The following ASXL3 variants were observed in gnomAD, a reference collection of about 807,000 sequenced individuals.
ASXL3 encodes the protein putative Polycomb group protein ASXL3.
ASXL3 carries 34 observed loss-of-function variants against 170.6 expected under a neutral mutation model. The observed-to-expected ratio is 0.20, with a 90% CI of 0.15 to 0.27. The LOEUF is 0.27. ASXL3 is among the 10% of genes least tolerant of loss of function. ASXL3 has a pLI of 1.00. For missense variants in ASXL3, 2,592 were observed against 2,695.3 expected, an observed-to-expected ratio of 0.96 and a Z score of 0.85; for synonymous variants, 1,002 against 989.1, an observed-to-expected ratio of 1.01 and a Z score of -0.24.
intron 2 of ASXL3, chr18:33,614,573 C>G (rs1217419367): frequency 2.6e-5 from 4 of 152,154 alleles, no homozygotes; most frequent in Non-Finnish European, 5.9e-5. Context: ...GTGAACTCTT[C>G]TCTGAAGATT....
At chr18:33,591,474 C>A (rs1054192090) in intron 1 of ASXL3, among the ~76,000 whole-genome samples, 6 of 152,178 alleles carry the variant, frequency 3.9e-5, no homozygotes, top group Admixed American at 3.3e-4. Context: ...CTCCTATTCT[C>A]ATCCTTTCTC....
chr18:33,665,429 G>A (rs768133982), intron 5 of ASXL3, among the ~76,000 whole-genome samples: 42 of 152,282 alleles, frequency 2.8e-4, no homozygotes, highest in Non-Finnish European at 5.1e-4. Flanking sequence ...TCACACTAGC[G>A]GCAATGCAAG....
intron 8 of ASXL3, among the ~76,000 whole-genome samples, chr18:33,723,674 G>A (rs1008858557): frequency 2.6e-4 from 39 of 152,124 alleles, no homozygotes; most frequent in Middle Eastern, 3.2e-3. Context: ...ATAAAGCAGC[G>A]GCAGAGTTTA....
At chr18:33,639,742 C>A (rs1599430698) in intron 2 of ASXL3, among the ~76,000 whole-genome samples, 2 of 152,150 alleles carry the variant, frequency 1.3e-5, no homozygotes, top group African/African-American at 4.8e-5. Context: ...CTAATGATAT[C>A]TTGGTAGTTT....
At chr18:33,654,743 T>A (rs1468412990) in intron 4 of ASXL3, among the ~76,000 whole-genome samples, 1 of 152,028 alleles carries the variant, frequency 6.6e-6, no homozygotes, top group Non-Finnish European at 1.5e-5. Flanking sequence ...GCATATAGTA[T>A]TATTACTCTC....
intron 10 of ASXL3, among the ~76,000 whole-genome samples, chr18:33,736,122 G>T (rs567205868): frequency 1.3e-5 from 2 of 152,234 alleles, no homozygotes; most frequent in East Asian, 3.9e-4. Context: ...TAACCGTGAG[G>T]TTATTAAATA....
intron 8 of ASXL3, among the ~76,000 whole-genome samples, chr18:33,688,902 A>G (rs541702026): frequency 2.8e-4 from 43 of 152,356 alleles, no homozygotes; most frequent in Middle Eastern, 3.4e-3. Context: ...AAACTTTTAG[A>G]AAATGTGAAG....
At chr18:33,705,211 GATAAC>G (rs1005851693) in intron 8 of ASXL3, among the ~76,000 whole-genome samples, 23 of 151,542 alleles carry the variant, frequency 1.5e-4, no homozygotes, top group African/African-American at 5.3e-4. Flanking sequence ...TAATACAGAA[GATAAC>G]ATAAGATAAC....
intron 6 of ASXL3, among the ~76,000 whole-genome samples, chr18:33,671,257 G>T (rs7232171): frequency 0.7 from 106,447 of 152,012 alleles, 39,099 homozygotes; most frequent in East Asian, 0.98. Context: ...CCCTGACCTT[G>T]TCTTCTAATT....
intron 8 of ASXL3, among the ~76,000 whole-genome samples, chr18:33,717,306 T>G (rs771552454): frequency 6.6e-6 from 1 of 152,158 alleles, no homozygotes; most frequent in Non-Finnish European, 1.5e-5. Context: ...TTCTTAAATA[T>G]CATGATATCT....
rs536513363 is a variant in ASXL3, at chr18:33,658,610, G to A, written c.356-3006G>A. On this transcript the variant is annotated intron_variant, in intron 4 of 11. Coordinates refer to ENST00000269197, the MANE Select transcript of ASXL3 (RefSeq NM_030632.3). ...TTAAAAATAAGTTATTTAACCCAAA[G>A]GAACAATCACATACTTTTTTTCTGT... Among the ~76,000 whole-genome samples the A allele has an allele frequency of 2.6e-3, 402 of 152,078 alleles. 4 individuals are homozygous for A. Among genetic ancestry groups the A allele is most frequent in the Admixed American group, 4.1e-3 (62 of 15,264 alleles).
intron 4 of ASXL3, among the ~76,000 whole-genome samples, chr18:33,654,504 A>G (rs1389310241): frequency 6.6e-6 from 1 of 152,092 alleles, no homozygotes; most frequent in Admixed American, 6.6e-5. Flanking sequence ...AGTTTATATG[A>G]TAAAGTATGA....
At chr18:33,669,193 G>A (rs2066303961) in intron 5 of ASXL3, among the ~76,000 whole-genome samples, 1 of 152,050 alleles carries the variant, frequency 6.6e-6, no homozygotes. Context: ...CAAAATTTAT[G>A]TGCAATTATG....
Position 33,745,942 on chromosome 18 carries a change from C to T in ASXL3, c.6094C>T (p.Pro2032Ser), listed in dbSNP as rs758569568. Residue 2032 changes from proline to serine, a missense_variant, in exon 12 of 12, where the codon CCC becomes TCC. Physicochemically the swap from Pro to Ser is moderately conservative, Grantham distance 74 (BLOSUM62 -1). Around this residue, in one of 4 missense-constraint regions of ASXL3, gnomAD observed 2,246 missense variants for 2,219.6 expected, o/e 1.01. Transcript: ENST00000269197. ...CCCTCCCCCTCCACCCTTGGCTTTGCCCCCGCCTCCCCCCCCACCACCTCC... is the reference window on the plus strand; with the variant it reads ...CCCTCCCCCTCCACCCTTGGCTTTGTCCCCGCCTCCCCCCCCACCACCTCC... Reference protein sequence around the residue: ...PPPPPPPLALPPPPPPPPPLP... With the variant: ...PPPPPPPLALSPPPPPPPPLP... 1.8e-5 allele frequency: 9 copies of T among 510,970 alleles called. No individual in the cohort carries two copies. The African/African-American group carries it at 2.1e-4, about 12-fold the overall frequency. 31.7% of individuals were successfully genotyped at this position (510,970 alleles called of 1,614,324 possible). A position where few individuals can be genotyped will look rare whatever the true frequency, so the allele number is the denominator to read the frequency against.
chr18:33,745,450 C>T lies in ASXL3; in HGVS notation c.5602C>T (p.Leu1868=), dbSNP rs757957501. 28 of 1,614,040 alleles carry T rather than the reference C, an allele frequency of 1.7e-5. No homozygotes were observed. The highest frequency in any genetic ancestry group is 2.1e-5 in the Non-Finnish European group (25 of 1,179,902). ...PCVISSGISQ[L]GHSQPFKQEW... The stretch of plus-strand genomic sequence containing the variant: ...TGTCATCAGTTCCGGCATCAGTCAG[C>T]TAGGACACAGCCAGCCATTTAAGCA... The change falls in exon 12 of 12, where the codon CTA becomes TTA. Residue 1868 remains leucine (L), a synonymous_variant. Coordinates refer to ENST00000269197, the MANE Select transcript of ASXL3 (RefSeq NM_030632.3).
intron 2 of ASXL3, among the ~76,000 whole-genome samples, chr18:33,634,653 T>G (rs942685211): frequency 6.6e-6 from 1 of 152,200 alleles, no homozygotes; most frequent in African/African-American, 2.4e-5. Context: ...GCCAAATGCC[T>G]TTCCAAATTG....
chr18:33,641,442 G>C (rs982537588), intron 2 of ASXL3, among the ~76,000 whole-genome samples: 12 of 152,164 alleles, frequency 7.9e-5, no homozygotes, highest in Middle Eastern at 3.4e-3. Flanking sequence ...ACCCTGGCAG[G>C]TGTATAGGAA....
chr18:33,614,063 C>T (rs954857173), intron 2 of ASXL3, among the ~76,000 whole-genome samples: 1 of 152,096 alleles, frequency 6.6e-6, no homozygotes, highest in African/African-American at 2.4e-5. Flanking sequence ...GTGGCAATTG[C>T]TTAAAGTAAG....
Position 33,749,157 on chromosome 18 carries a change from G to C in ASXL3, c.*2562G>C, listed in dbSNP as rs922100761. On this transcript the variant is annotated 3_prime_UTR_variant, in exon 12 of 12. Coordinates refer to ENST00000269197, the MANE Select transcript of ASXL3 (RefSeq NM_030632.3). The stretch of plus-strand genomic sequence containing the variant: ...ATTACTGAAAAATTAATATCTTTAA[G>C]CTAAAATATAAGGGAAAGGAAGAAG... The C allele has an allele frequency of 6.8e-6, 1 of 147,650 alleles. No homozygotes were observed. Among genetic ancestry groups the C allele is most frequent in the Non-Finnish European group, 1.5e-5 (1 of 67,518 alleles). The allele number at this position is 147,650 out of a possible 1,614,324, so 9.1% of individuals were successfully genotyped here.
Sources: gnomAD v4.1 joint callset for allele counts (sites outside exome capture counted in the v4.1 genomes callset) on GRCh38, gnomAD v4.1.1 for gene constraint, gnomAD v4.1.1 regional missense constraint, MANE v1.5 for transcripts, NCBI Gene and HGNC (gene_info 2026-07-23, HGNC 2026-07-21) for gene names.